The following BLMH variants were observed in gnomAD, a reference collection of about 807,000 sequenced individuals.
BLMH encodes the protein bleomycin hydrolase, also known as BLM hydrolase.
Under a neutral mutation model 61.6 loss-of-function variants are expected in BLMH, and 32 were observed. That is an observed-to-expected ratio of 0.52 (90% CI 0.39 to 0.70). The LOEUF is 0.70. Among genes scored for constraint, BLMH ranks in the 30% least tolerant of loss-of-function variants. The pLI, the probability that BLMH is intolerant of heterozygous loss-of-function variation, is 0.00. For missense variants in BLMH, 460 were observed against 555.5 expected (o/e 0.83, Z 1.73); for synonymous variants, 183 against 193.8 (o/e 0.94, Z 0.46).
intron 11 of BLMH, among the ~76,000 whole-genome samples, chr17:30,254,210 T>A (rs1465206215): frequency 6.6e-6 from 1 of 152,228 alleles, no homozygotes. Flanking sequence ...ACAAACTGTA[T>A]GTGGCTATTA....
rs150727588 is a variant in BLMH at position 30,271,275 on chromosome 17, T to C, written c.1142A>G (p.Glu381Gly). 1 of 1,606,672 alleles carries C rather than the reference T, an allele frequency of 6.2e-7. No homozygotes were observed. The highest frequency in any genetic ancestry group is 8.5e-7 in the Non-Finnish European group (1 of 1,173,250). The change falls in exon 10 of 12, where the codon GAG becomes GGG. Residue 381 changes from glutamate to glycine, a missense_variant. By Grantham distance (98) the Glu-to-Gly change is moderately conservative (BLOSUM62 -2). Coordinates refer to ENST00000261714, the MANE Select transcript of BLMH (RefSeq NM_000386.4). ...CAGGCATGCTGAGGGTCATACCTTC[T>C]CTGAGACAGCAGTGAAGGTCATGGC... ...THAMTFTAVS[E>G]KDDQDGAFTK... is the part of the protein sequence containing the mutation.
intron 7 of BLMH, 133 bp from the exon 8 acceptor site, chr17:30,273,032 TTAAG>T: frequency 2.0e-6 from 2 of 992,446 alleles, no homozygotes; most frequent in Non-Finnish European, 3.0e-6. Flanking sequence ...AGCCACATTG[TTAAG>T]TAACAAAGAA....
intron 10 of BLMH, 54 bp downstream of exon 10, chr17:30,271,217 G>A: frequency 8.0e-7 from 1 of 1,257,016 alleles, no homozygotes; most frequent in Non-Finnish European, 1.2e-6. Flanking sequence ...CAGTCTACAG[G>A]AGAATGTAGA....
chr17:30,272,346 T>C (rs757562991), intron 9 of BLMH: 11 of 592,452 alleles, frequency 1.9e-5, no homozygotes, highest in South Asian at 2.3e-5. Flanking sequence ...TCCACTCAGA[T>C]AGAAAGTGGG....
intron 6 of BLMH, among the ~76,000 whole-genome samples, chr17:30,283,079 T>A (rs904663316): frequency 2.0e-5 from 3 of 152,108 alleles, no homozygotes; most frequent in Non-Finnish European, 4.4e-5. Flanking sequence ...GAAGCAGCAT[T>A]TGAGCCCAGG....
chr17:30,255,484 T>C (rs935504932), intron 11 of BLMH, among the ~76,000 whole-genome samples: 38 of 152,376 alleles, frequency 2.5e-4, no homozygotes, highest in Middle Eastern at 3.4e-3. Flanking sequence ...ATATCTGGTA[T>C]ACATAATTAC....
chr17:30,274,682 G>T (rs1371645600), intron 6 of BLMH, among the ~76,000 whole-genome samples: 2 of 152,108 alleles, frequency 1.3e-5, no homozygotes, highest in African/African-American at 2.4e-5. Context: ...CCTGTTAAAA[G>T]TATTACTAGA....
At chr17:30,288,957 A>T (rs28510401) in intron 3 of BLMH, among the ~76,000 whole-genome samples, 1 of 152,114 alleles carries the variant, frequency 6.6e-6, no homozygotes, top group African/African-American at 2.4e-5. Flanking sequence ...GCAGGGTGAG[A>T]CTGTCTCAAA....
At chr17:30,291,545 AG>A in intron 1 of BLMH, 37 bp from the exon 2 acceptor site, 1 of 1,607,132 alleles carries the variant, frequency 6.2e-7, no homozygotes, top group East Asian at 2.2e-5. Flanking sequence ...ACGCAAAAAG[AG>A]GGGGAAAGGG....
chr17:30,283,711 G>A (rs62068693), intron 6 of BLMH, among the ~76,000 whole-genome samples: 91 of 151,942 alleles, frequency 6.0e-4, no homozygotes, highest in Middle Eastern at 3.4e-3. Context: ...TAGTAGAGAC[G>A]GGGTTTCACC....
At chr17:30,258,034 T>C (rs1441762928) in intron 11 of BLMH, among the ~76,000 whole-genome samples, 2 of 152,186 alleles carry the variant, frequency 1.3e-5, no homozygotes, top group African/African-American at 2.4e-5. Context: ...AGTCTCACTA[T>C]GTTGCCCAGG....
intron 11 of BLMH, among the ~76,000 whole-genome samples, chr17:30,265,368 T>C (rs910081475): frequency 6.6e-6 from 1 of 152,114 alleles, no homozygotes; most frequent in East Asian, 1.9e-4. Context: ...AAAACAGCAA[T>C]TTTTCAAATA....
At chr17:30,257,148 G>A (rs190251879) in intron 11 of BLMH, among the ~76,000 whole-genome samples, 13 of 152,214 alleles carry the variant, frequency 8.5e-5, no homozygotes, top group African/African-American at 2.4e-4. Context: ...ATATTTATTC[G>A]GCACTTACCG....
At chr17:30,252,347 C>T (rs961947306) in intron 11 of BLMH, 2 of 151,856 alleles carry the variant, frequency 1.3e-5, no homozygotes, top group Admixed American at 6.6e-5. Flanking sequence ...GTTTTTCACC[C>T]GACAGAAGTC....
intron 6 of BLMH, among the ~76,000 whole-genome samples, chr17:30,275,509 G>GAAAAC (rs1012588857): frequency 1.5e-4 from 22 of 151,620 alleles, no homozygotes; most frequent in South Asian, 4.2e-4. Flanking sequence ...AGATACAAAA[G>GAAAAC]AAAACAAAAC....
intron 6 of BLMH, among the ~76,000 whole-genome samples, chr17:30,279,151 T>C (rs949498438): frequency 6.6e-6 from 1 of 152,238 alleles, no homozygotes; most frequent in Non-Finnish European, 1.5e-5. Context: ...AATGATGTGA[T>C]CCTATTAATT....
At chr17:30,264,900 C>T (rs1415107166) in intron 11 of BLMH, among the ~76,000 whole-genome samples, 1 of 152,182 alleles carries the variant, frequency 6.6e-6, no homozygotes, top group Non-Finnish European at 1.5e-5. Flanking sequence ...TATAACTAAA[C>T]TGTGAGTTAT....
At chr17:30,278,686 G>A (rs868360293) in intron 6 of BLMH, among the ~76,000 whole-genome samples, 3 of 152,030 alleles carry the variant, frequency 2.0e-5, no homozygotes, top group Non-Finnish European at 4.4e-5. Context: ...GGGGGGGAGC[G>A]GGGGACAGAG....
chr17:30,286,725 T>C (rs1597667926), intron 5 of BLMH, 89 bp downstream of exon 5: 2 of 878,432 alleles, frequency 2.3e-6, no homozygotes, highest in East Asian at 5.0e-5. Context: ...ACACAAACTG[T>C]ATACAGAGAT....
Sources: gnomAD v4.1 joint callset for allele counts (sites outside exome capture counted in the v4.1 genomes callset) on GRCh38, gnomAD v4.1.1 for gene constraint, MANE v1.5 for transcripts, NCBI Gene and HGNC (gene_info 2026-07-23, HGNC 2026-07-21) for gene names.